Variants in VCAN observed in about 807,000 individuals in gnomAD.
VCAN encodes the protein versican core protein.
A neutral mutation model predicts 245.5 loss-of-function variants in VCAN; 44 were observed. The observed-to-expected ratio is 0.18, with a 90% CI of 0.14 to 0.23. The LOEUF is 0.23. Ranked by LOEUF, VCAN falls within the 10% of genes least tolerant of loss-of-function variation. The pLI is 1.00. For synonymous variants in VCAN, 1,413 were observed against 1,437.0 expected (o/e 0.98, Z 0.38); for missense variants, 3,793 against 4,057.9 (o/e 0.93, Z 1.77).
intron 1 of VCAN, among the ~76,000 whole-genome samples, chr5:83,478,637 G>A (rs1298860536): frequency 1.3e-5 from 2 of 152,150 alleles, no homozygotes; most frequent in African/African-American, 2.4e-5. Context: ...TGGAAAAATT[G>A]TATTTGCTGA....
rs1746039755 is a variant in VCAN at position 83,520,498 on chromosome 5, C to T, written c.2192C>T (p.Ser731Leu). The change falls in exon 7 of 15, where the codon TCA (serine) becomes TTA (leucine). Residue 731 changes from serine (S) to leucine (L), a missense_variant. Transcript: ENST00000265077. Reference protein sequence around the residue: ...FSGMKLSTSLSEPIHVTESSV... With the variant: ...FSGMKLSTSLLEPIHVTESSV... ...GGGATGAAACTCTCTACATCTCTCTCAGAGCCAATTCATGTTACAGAGTCT... is the reference window on the plus strand; with the variant it reads ...GGGATGAAACTCTCTACATCTCTCTTAGAGCCAATTCATGTTACAGAGTCT... The T allele has an allele frequency of 6.2e-7, 1 of 1,613,876 alleles. No individual in the cohort carries two copies. Among genetic ancestry groups the T allele is most frequent in the Admixed American group, 1.7e-5 (1 of 59,982 alleles).
At chr5:83,560,711 A>G (rs947550011) in intron 12 of VCAN, among the ~76,000 whole-genome samples, 1 of 152,164 alleles carries the variant, frequency 6.6e-6, no homozygotes, top group African/African-American at 2.4e-5. Flanking sequence ...AAACCTCTCC[A>G]ACAAGTGGTT....
rs763154845 is a variant in VCAN at position 83,519,792 on chromosome 5, G to C, written c.1486G>C (p.Gly496Arg). 17 of 1,613,932 alleles carry C rather than the reference G, an allele frequency of 1.1e-5. No individual in the cohort carries two copies. The highest frequency in any genetic ancestry group is 1.4e-5 in the Non-Finnish European group (16 of 1,179,986). The change falls in exon 7 of 15, where the codon GGT (glycine) becomes CGT (arginine). Residue 496 changes from glycine (G) to arginine (R), a missense_variant. Around this residue, in one of 5 missense-constraint regions of VCAN, gnomAD observed 3,182 missense variants for 3,250.3 expected, o/e 0.98. Transcript: ENST00000265077. Reference sequence around the variant, plus strand: ...TACACAGATTGAACAAATAGAAGTGGGTCCTTTGGTAACATCTATGGAAAT... The same window carrying C: ...TACACAGATTGAACAAATAGAAGTGCGTCCTTTGGTAACATCTATGGAAAT... ...SVTQIEQIEV[G>R]PLVTSMEILK...
At chr5:83,523,461 C>T (rs1272718459) in intron 7 of VCAN, among the ~76,000 whole-genome samples, 7 of 146,248 alleles carry the variant, frequency 4.8e-5, no homozygotes, top group Middle Eastern at 3.4e-3. Flanking sequence ...TATTCCCTTT[C>T]GAGTATCATT....
intron 6 of VCAN, among the ~76,000 whole-genome samples, chr5:83,515,464 T>C (rs1745812805): frequency 6.6e-6 from 1 of 152,234 alleles, no homozygotes; most frequent in Non-Finnish European, 1.5e-5. Flanking sequence ...GCATTTGAAT[T>C]TGAACCCATG....
chr5:83,512,591 A>G (rs1022847910), intron 6 of VCAN, 195 bp downstream of exon 6: 6 of 693,374 alleles, frequency 8.7e-6, no homozygotes, highest in Non-Finnish European at 1.2e-5. Context: ...ATTTTGGCAA[A>G]TGGATTTTTA....
At chr5:83,533,468 T>C (rs1428294698) in intron 7 of VCAN, among the ~76,000 whole-genome samples, 2 of 152,098 alleles carry the variant, frequency 1.3e-5, no homozygotes, top group Non-Finnish European at 2.9e-5. Flanking sequence ...TAGGTCTCTC[T>C]GAAGTTGACA....
At chr5:83,553,919 A>T (rs1279695693) in intron 11 of VCAN, among the ~76,000 whole-genome samples, 3 of 152,120 alleles carry the variant, frequency 2.0e-5, no homozygotes, top group African/African-American at 4.8e-5. Flanking sequence ...GTTTTCAGTT[A>T]TTTTTGTCCT....
chr5:83,517,814 T>G (rs1399008389), intron 6 of VCAN, among the ~76,000 whole-genome samples: 2 of 152,210 alleles, frequency 1.3e-5, no homozygotes, highest in Non-Finnish European at 2.9e-5. Context: ...TGTATCATAA[T>G]GTAAATAGCC....
At chr5:83,548,725 G>A (rs1475599711) in intron 10 of VCAN, among the ~76,000 whole-genome samples, 1 of 152,176 alleles carries the variant, frequency 6.6e-6, no homozygotes, top group African/African-American at 2.4e-5. Flanking sequence ...ATAAGAAACA[G>A]ATTGCATGCT....
intron 13 of VCAN, among the ~76,000 whole-genome samples, chr5:83,575,996 G>A (rs1158852574): frequency 6.6e-6 from 1 of 152,036 alleles, no homozygotes; most frequent in Non-Finnish European, 1.5e-5. Context: ...TTTTAAAAAA[G>A]ATACCCTTTT....
intron 9 of VCAN, among the ~76,000 whole-genome samples, chr5:83,546,599 A>AG (rs1410378020): frequency 2.0e-5 from 3 of 151,368 alleles, no homozygotes; most frequent in Non-Finnish European, 2.9e-5. Context: ...CTGCAAAAAA[A>AG]AAAAAAAATT....
At chr5:83,559,600 G>T (rs551529401) in intron 12 of VCAN, among the ~76,000 whole-genome samples, 80 of 152,118 alleles carry the variant, frequency 5.3e-4, no homozygotes, top group Middle Eastern at 3.4e-3. Flanking sequence ...ATAGCCAAGG[G>T]TCTCCTTCCA....
In VCAN at chr5:83,519,643, C is replaced by T; in HGVS notation, c.1337C>T (p.Pro446Leu). 6.2e-7 allele frequency: 1 copy of T among 1,614,142 alleles called. No homozygotes were observed. The highest frequency in any genetic ancestry group is 8.5e-7 in the Non-Finnish European group (1 of 1,179,982). ...GACTACTCACCTTCTGCTTCAGGAC[C>T]TCTTGGAAAGCTAGACATATCAGAA... Reference protein sequence around the residue: ...MDDYSPSASGPLGKLDISEIK... With the variant: ...MDDYSPSASGLLGKLDISEIK... The change falls in exon 7 of 15, where the codon CCT (proline) becomes CTT (leucine). Residue 446 changes from proline (P) to leucine (L), a missense_variant. By Grantham distance (98) the Pro-to-Leu change is moderately conservative. Transcript: ENST00000265077.
At chr5:83,476,285 C>T (rs922691137) in intron 1 of VCAN, among the ~76,000 whole-genome samples, 6 of 152,162 alleles carry the variant, frequency 3.9e-5, no homozygotes, top group Non-Finnish European at 7.4e-5. Context: ...TTTTTGTTGA[C>T]GTCATTCATG....
At chr5:83,491,911 C>G (rs1744995139) in intron 3 of VCAN, among the ~76,000 whole-genome samples, 1 of 152,190 alleles carries the variant, frequency 6.6e-6, no homozygotes, top group Non-Finnish European at 1.5e-5. Flanking sequence ...TATTCAAATT[C>G]TTGCTTAAGC....
At chr5:83,488,649 G>A (rs147818863) in intron 2 of VCAN, among the ~76,000 whole-genome samples, 149 of 152,268 alleles carry the variant, frequency 9.8e-4, no homozygotes, top group African/African-American at 3.4e-3. Flanking sequence ...TATTTCAAAG[G>A]ATAATTTAGT....
chr5:83,541,834 C>T lies in VCAN; in HGVS notation c.8831C>T (p.Ala2944Val). 2 of 1,614,044 alleles carry T rather than the reference C, an allele frequency of 1.2e-6. No homozygotes were observed. The highest frequency in any genetic ancestry group is 1.7e-6 in the Non-Finnish European group (2 of 1,179,988). Residue 2944 changes from alanine (A) to valine (V), a missense_variant, in exon 8 of 15, where the codon GCA becomes GTA. Physicochemically the swap from Ala to Val is moderately conservative, Grantham distance 64. Coordinates refer to ENST00000265077, the MANE Select transcript of VCAN (RefSeq NM_004385.5). ...ACCGATGGTCAAGTTTCTGGAGAAG[C>T]AATCAAGATGTTTCCCACCATTAAA... Reference protein sequence around the residue: ...NKTDGQVSGEAIKMFPTIKTP... With the variant: ...NKTDGQVSGEVIKMFPTIKTP...
Position 83,573,788 on chromosome 5 carries a change from C to T in VCAN, c.9880+1228C>T, listed in dbSNP as rs143379088. Among the ~76,000 whole-genome samples, 588 of 152,162 alleles carry T rather than the reference C, an allele frequency of 3.9e-3. 5 individuals are homozygous for T. The highest frequency in any genetic ancestry group is 0.013 in the African/African-American group (549 of 41,528). ...TGTGCACCAGCTTTATAACGGTGGT[C>T]ATCTGAAATACCATGATGAACAACA... is the stretch of plus-strand genomic sequence containing the variant. On this transcript the variant is annotated intron_variant, in intron 13 of 14. Transcript: ENST00000265077.
Sources: allele counts gnomAD v4.1 joint callset (sites outside exome capture counted in the v4.1 genomes callset), GRCh38; gene constraint gnomAD v4.1.1; regional missense constraint gnomAD v4.1.1; transcripts MANE v1.5; gene names NCBI Gene and HGNC (gene_info 2026-07-23, HGNC 2026-07-21).